Variants in ARHGAP22 observed in about 807,000 individuals in gnomAD.
The protein encoded by ARHGAP22 is Rho GTPase activating protein 22.
ARHGAP22 carries 48 observed loss-of-function variants against 59.1 expected under a neutral mutation model. That is an observed-to-expected ratio of 0.81 (90% CI 0.64 to 1.03). The LOEUF is 1.03. Among genes scored for constraint, ARHGAP22 ranks in the 50% least tolerant of loss-of-function variants. The pLI, the probability that ARHGAP22 is intolerant of heterozygous loss-of-function variation, is 0.00. For missense variants in ARHGAP22, 1,015 were observed against 958.7 expected (o/e 1.06, Z -0.78); for synonymous variants, 445 against 416.4 (o/e 1.07, Z -0.84).
intron 4 of ARHGAP22, among the ~76,000 whole-genome samples, chr10:48,471,364 G>GC (rs2048210872): frequency 6.6e-6 from 1 of 152,242 alleles, no homozygotes; most frequent in South Asian, 2.1e-4. Flanking sequence ...GCTGCCACTG[G>GC]TAAGGTTGGG....
chr10:48,654,829 C>CTTT (rs2062708963), upstream of ARHGAP22, among the ~76,000 whole-genome samples: 26 of 102,590 alleles, frequency 2.5e-4, no homozygotes, highest in South Asian at 1.8e-3. Context: ...TTTCTTTCTT[C>CTTT]CTTCCTTCCT....
chr10:48,593,121 C>A (rs2059865893), intron 1 of ARHGAP22, among the ~76,000 whole-genome samples: 1 of 152,236 alleles, frequency 6.6e-6, no homozygotes, highest in South Asian at 2.1e-4. Context: ...GCTCTCTGGG[C>A]CCTCCCGGAT....
chr10:48,434,767 A>T, the ARHGAP22 span: 1 of 761,522 alleles, frequency 1.3e-6, no homozygotes, highest in Non-Finnish European at 2.0e-6. Context: ...GATTATTTTT[A>T]GTGAGCCTTC....
At chr10:48,456,911 TCCC>T (rs1483160643) in intron 5 of ARHGAP22, among the ~76,000 whole-genome samples, 1 of 148,334 alleles carries the variant, frequency 6.7e-6, no homozygotes, top group East Asian at 2.1e-4. Context: ...GCTGTCCCCT[TCCC>T]CCCTCCAACA....
chr10:48,555,338 A>G, intron 3 of ARHGAP22, 125 bp downstream of exon 3: 2 of 869,586 alleles, frequency 2.3e-6, no homozygotes, highest in Non-Finnish European at 3.6e-6. Context: ...CACATTTCCG[A>G]GTCATGCCTG....
chr10:48,493,479 C>G, intron 3 of ARHGAP22: 10 of 1,536,032 alleles, frequency 6.5e-6, no homozygotes, highest in Non-Finnish European at 7.8e-6. Flanking sequence ...ACCTGATGGG[C>G]CAGAAGGGCA....
intron 3 of ARHGAP22, among the ~76,000 whole-genome samples, chr10:48,504,142 T>C (rs2051829656): frequency 6.6e-6 from 1 of 152,020 alleles, no homozygotes; most frequent in Admixed American, 6.5e-5. Flanking sequence ...TTTGGCCTCA[T>C]GAAATGTGTG....
chr10:48,576,883 C>A (rs1437962694), intron 2 of ARHGAP22, among the ~76,000 whole-genome samples: 1 of 151,974 alleles, frequency 6.6e-6, no homozygotes, highest in Non-Finnish European at 1.5e-5. Context: ...TTGCTTTCTG[C>A]CCCTTCTCCA....
rs568312531 is a variant in ARHGAP22 at position 48,497,088 on chromosome 10, C to T, written c.323-17324G>A. Among the ~76,000 whole-genome samples the T allele has an allele frequency of 5.9e-5, 9 of 152,214 alleles. No homozygotes were observed. The South Asian group carries it at 1.9e-3, about 32-fold the overall frequency. On this transcript the variant is annotated intron_variant, in intron 3 of 9. Coordinates refer to ENST00000249601, the MANE Select transcript of ARHGAP22 (RefSeq NM_021226.4). The stretch of plus-strand genomic sequence containing the variant: ...GTCAGGAGAAACTGCATGCTGCTGA[C>T]CTCCTAGGGGTTTGACACCTCCCAC...
chr10:48,585,555 G>A (rs1564938643), intron 1 of ARHGAP22, among the ~76,000 whole-genome samples: 2 of 152,244 alleles, frequency 1.3e-5, no homozygotes, highest in South Asian at 4.1e-4. Flanking sequence ...ACAGGCCCCT[G>A]CTCTGGAAGG....
intron 3 of ARHGAP22, among the ~76,000 whole-genome samples, chr10:48,481,099 G>A (rs1244196848): frequency 6.6e-6 from 1 of 152,234 alleles, no homozygotes; most frequent in Non-Finnish European, 1.5e-5. Context: ...CCTGCTCGCC[G>A]GGGCTCAGGC....
intron 3 of ARHGAP22, among the ~76,000 whole-genome samples, chr10:48,541,318 C>G (rs1345012892): frequency 6.6e-6 from 1 of 152,192 alleles, no homozygotes; most frequent in African/African-American, 2.4e-5. Flanking sequence ...GCTGAGATCA[C>G]TCATAAAGAA....
At chr10:48,497,657 G>T (rs1395923709) in intron 3 of ARHGAP22, among the ~76,000 whole-genome samples, 2 of 152,136 alleles carry the variant, frequency 1.3e-5, no homozygotes, top group African/African-American at 4.8e-5. Context: ...CACTACCGGG[G>T]ACACAGGAAC....
At chr10:48,535,896 T>C (rs1315969284) in intron 3 of ARHGAP22, among the ~76,000 whole-genome samples, 1 of 152,080 alleles carries the variant, frequency 6.6e-6, no homozygotes, top group Non-Finnish European at 1.5e-5. Flanking sequence ...CCTTTCTCAG[T>C]GGAGCTGTGG....
the ARHGAP22 span, among the ~76,000 whole-genome samples, chr10:48,432,232 CT>C: frequency 1.3e-5 from 2 of 152,204 alleles, no homozygotes; most frequent in South Asian, 4.1e-4. Context: ...GAAACTTCTA[CT>C]TTTGAGGAAA....
intron 2 of ARHGAP22, among the ~76,000 whole-genome samples, chr10:48,557,813 T>A (rs921521384): frequency 2.0e-5 from 3 of 152,132 alleles, no homozygotes; most frequent in Non-Finnish European, 4.4e-5. Context: ...CTCCCACAGG[T>A]CAAGAATGTG....
upstream of ARHGAP22, among the ~76,000 whole-genome samples, chr10:48,608,372 C>A (rs2060754429): frequency 6.6e-6 from 1 of 152,158 alleles, no homozygotes; most frequent in Non-Finnish European, 1.5e-5. Flanking sequence ...TGGCAAAGCC[C>A]TGTGTTCCAG....
chr10:48,649,835 G>T (rs544693327), intron 1 of ARHGAP22, among the ~76,000 whole-genome samples: 7 of 152,318 alleles, frequency 4.6e-5, no homozygotes, highest in Non-Finnish European at 2.9e-5. Context: ...GTAGGTTCTC[G>T]ATGTGGCAAG....
At chr10:48,497,763 C>T (rs1484653826) in intron 3 of ARHGAP22, among the ~76,000 whole-genome samples, 1 of 152,202 alleles carries the variant, frequency 6.6e-6, no homozygotes, top group East Asian at 1.9e-4. Flanking sequence ...GCTCCTGCCA[C>T]TCGCAGCAAC....
Sources: allele counts gnomAD v4.1 joint callset (sites outside exome capture counted in the v4.1 genomes callset), GRCh38; gene constraint gnomAD v4.1.1; transcripts MANE v1.5; gene names NCBI Gene and HGNC (gene_info 2026-07-23, HGNC 2026-07-21).